Variants in REDIC1 observed in about 807,000 individuals in gnomAD.
REDIC1 encodes regulator of DNA class I crossover intermediates 1.
chr12:39,706,191 T>G, the REDIC1 span, among the ~76,000 whole-genome samples: 4 of 151,904 alleles, frequency 2.6e-5, no homozygotes, highest in African/African-American at 9.7e-5. Context: ...TGAAAAAAAT[T>G]TTTAAAGTAG....
the REDIC1 span, among the ~76,000 whole-genome samples, chr12:39,635,738 G>A: frequency 1.3e-5 from 2 of 151,954 alleles, no homozygotes; most frequent in East Asian, 3.9e-4. Flanking sequence ...CACGTGTATA[G>A]CTACGTAACA....
chr12:39,652,176 T>A, the REDIC1 span, among the ~76,000 whole-genome samples: 1 of 152,154 alleles, frequency 6.6e-6, no homozygotes, highest in Non-Finnish European at 1.5e-5. Context: ...TCCCCCGAGT[T>A]TTTGCCTATT....
the REDIC1 span, among the ~76,000 whole-genome samples, chr12:39,773,949 G>A: frequency 6.6e-6 from 1 of 152,184 alleles, no homozygotes; most frequent in African/African-American, 2.4e-5. Context: ...TTACTGAGGA[G>A]TGTCAGTGAA....
At chr12:39,769,389 C>T in the REDIC1 span, among the ~76,000 whole-genome samples, 1 of 152,026 alleles carries the variant, frequency 6.6e-6, no homozygotes, top group African/African-American at 2.4e-5. Flanking sequence ...GGACTTGATA[C>T]ATTTGAATCT....
At chr12:39,785,667 A>G in the REDIC1 span, among the ~76,000 whole-genome samples, 3 of 152,044 alleles carry the variant, frequency 2.0e-5, no homozygotes, top group Admixed American at 6.6e-5. Flanking sequence ...AGCCACAGAC[A>G]CTCAACGCCA....
the REDIC1 span, among the ~76,000 whole-genome samples, chr12:39,653,133 T>C: frequency 8.5e-5 from 13 of 152,126 alleles, no homozygotes; most frequent in Admixed American, 6.5e-4. Flanking sequence ...TTTGATAGAA[T>C]TGCCATCTTA....
chr12:39,685,709 C>CT, the REDIC1 span, among the ~76,000 whole-genome samples: 1 of 152,174 alleles, frequency 6.6e-6, no homozygotes, highest in African/African-American at 2.4e-5. Flanking sequence ...TCTCCAAAGT[C>CT]TTAACTCACT....
chr12:39,893,176 A>C, the REDIC1 span, among the ~76,000 whole-genome samples: 1 of 152,258 alleles, frequency 6.6e-6, no homozygotes, highest in Admixed American at 6.5e-5. Context: ...TCAGTCATTT[A>C]AATTAGATTG....
chr12:39,628,294 TA>T, the REDIC1 span, among the ~76,000 whole-genome samples: 1 of 150,828 alleles, frequency 6.6e-6, no homozygotes, highest in South Asian at 2.1e-4. Flanking sequence ...AGATTGGTAA[TA>T]AAAAAAAATG....
the REDIC1 span, among the ~76,000 whole-genome samples, chr12:39,701,856 A>T: frequency 2.0e-5 from 3 of 152,116 alleles, no homozygotes; most frequent in African/African-American, 7.2e-5. Flanking sequence ...ACATAACGAA[A>T]TGAAGGCAGA....
At chr12:39,821,888 T>C in the REDIC1 span, among the ~76,000 whole-genome samples, 1 of 152,146 alleles carries the variant, frequency 6.6e-6, no homozygotes, top group Non-Finnish European at 1.5e-5. Context: ...TAGAAGATAG[T>C]TGAATAAAAA....
the REDIC1 span, among the ~76,000 whole-genome samples, chr12:39,794,467 G>T: frequency 6.6e-6 from 1 of 152,016 alleles, no homozygotes; most frequent in Non-Finnish European, 1.5e-5. Context: ...TAACTATAAC[G>T]CAATTTGATG....
the REDIC1 span, among the ~76,000 whole-genome samples, chr12:39,894,053 C>A: frequency 2.0e-5 from 3 of 152,178 alleles, no homozygotes; most frequent in African/African-American, 7.2e-5. Flanking sequence ...GCAGTTAGTA[C>A]ATTAATGTTC....
chr12:39,740,581 T>TGG, the REDIC1 span, among the ~76,000 whole-genome samples: 2,101 of 152,262 alleles, frequency 0.014, 45 homozygotes, highest in African/African-American at 0.047. Flanking sequence ...AGTTGCATCT[T>TGG]GGGATCACTT....
the REDIC1 span, among the ~76,000 whole-genome samples, chr12:39,792,858 T>G: frequency 6.6e-6 from 1 of 152,032 alleles, no homozygotes; most frequent in East Asian, 1.9e-4. Context: ...GATATTGTTC[T>G]AGGGTCAACT....
At chr12:39,806,746 G>T in the REDIC1 span, among the ~76,000 whole-genome samples, 918 of 152,244 alleles carry the variant, frequency 6.0e-3, 6 homozygotes, top group Middle Eastern at 0.017. Flanking sequence ...TGGGAAACAT[G>T]GGTTGCTATG....
chr12:39,864,477 C>T, the REDIC1 span, among the ~76,000 whole-genome samples: 1 of 152,090 alleles, frequency 6.6e-6, no homozygotes, highest in South Asian at 2.1e-4. Context: ...TTCTGAATTC[C>T]TGCTTAGATT....
the REDIC1 span, among the ~76,000 whole-genome samples, chr12:39,851,869 T>C: frequency 6.6e-6 from 1 of 152,234 alleles, no homozygotes; most frequent in Non-Finnish European, 1.5e-5. Flanking sequence ...AAAAATGAGA[T>C]TATTTTCCCT....
chr12:39,854,429 C>A, the REDIC1 span, among the ~76,000 whole-genome samples: 1 of 152,114 alleles, frequency 6.6e-6, no homozygotes, highest in Non-Finnish European at 1.5e-5. Context: ...TGGCTGGGGC[C>A]ACATAATCGG....
Sources: gnomAD v4.1 joint callset for allele counts (sites outside exome capture counted in the v4.1 genomes callset) on GRCh38, gnomAD v4.1.1 for gene constraint, MANE v1.5 for transcripts, NCBI Gene and HGNC (gene_info 2026-07-23, HGNC 2026-07-21) for gene names.